Variants in BPTF observed in about 807,000 individuals in gnomAD.
BPTF encodes bromodomain PHD finger transcription factor, also known as nucleosome-remodeling factor subunit BPTF.
BPTF carries 18 observed loss-of-function variants against 292.5 expected under a neutral mutation model. The observed-to-expected ratio is 0.06, with a 90% CI of 0.04 to 0.09. The LOEUF (loss-of-function observed/expected upper bound fraction) is 0.09, where lower values mean the gene tolerates loss of function less well. BPTF is among the 10% of genes least tolerant of loss of function. The pLI is 1.00. For missense variants in BPTF, 2,726 were observed against 3,498.7 expected (o/e 0.78, Z 5.57); for synonymous variants, 1,225 against 1,251.9 (o/e 0.98, Z 0.45).
chr17:67,947,033 T>G (rs1475796133), intron 21 of BPTF, among the ~76,000 whole-genome samples: 4 of 152,156 alleles, frequency 2.6e-5, no homozygotes, highest in Non-Finnish European at 5.9e-5. Context: ...AGTTCCTAGG[T>G]CTCCCATTCA....
At chr17:67,941,196 A>G (rs1555671825) in intron 19 of BPTF, among the ~76,000 whole-genome samples, 2 of 152,246 alleles carry the variant, frequency 1.3e-5, no homozygotes, top group Admixed American at 1.3e-4. Context: ...TGCGCCTGTA[A>G]TCCCAGCACT....
In BPTF at chr17:67,964,272, G is replaced by C; in HGVS notation, c.8322G>C (p.Leu2774Phe). The C allele has an allele frequency of 6.2e-7, 1 of 1,614,098 alleles. No individual in the cohort carries two copies. Among genetic ancestry groups the C allele is most frequent in the Non-Finnish European group, 8.5e-7 (1 of 1,180,000 alleles). The part of the protein sequence containing the change: ...NWYHGRCVGI[L>F]QSEAELIDEY... ...ACCATGGGCGCTGCGTTGGCATCTTGCAAAGTGAGGCAGAGCTCATTGATG... is the reference window on the plus strand; with the variant it reads ...ACCATGGGCGCTGCGTTGGCATCTTCCAAAGTGAGGCAGAGCTCATTGATG... The change falls in exon 25 of 28, where the codon TTG (leucine) becomes TTC (phenylalanine). Residue 2774 changes from leucine to phenylalanine, a missense_variant. Leu to Phe is a conservative substitution (Grantham distance 22). This residue lies in a region of BPTF where 48 missense variants were observed against 114.2 expected (regional missense o/e 0.42). Transcript: ENST00000306378.
In BPTF at chr17:67,948,305, A is replaced by G. The variant is rs781799870; in HGVS notation, c.7925A>G (p.Gln2642Arg). The G allele has an allele frequency of 8.1e-6, 13 of 1,610,348 alleles. No homozygotes were observed. Among genetic ancestry groups the G allele is most frequent in the Non-Finnish European group, 1.1e-5 (13 of 1,178,266 alleles). The change falls in exon 23 of 28, where the codon CAG (glutamine) becomes CGG (arginine). Residue 2642 changes from glutamine (Q) to arginine (R), a missense_variant and splice_region_variant. By Grantham distance (43) the Gln-to-Arg change is conservative (BLOSUM62 1). Coordinates refer to ENST00000306378, the MANE Select transcript of BPTF (RefSeq NM_182641.4). ...GACAAGGATCTGCAAATTGAAGTGCAGGTAAGAGGGCACATCCTTTTCTTC... is the reference window on the plus strand; with the variant it reads ...GACAAGGATCTGCAAATTGAAGTGCGGGTAAGAGGGCACATCCTTTTCTTC... ...LLDKDLQIEV[Q>R]EELKRDLKIK...
chr17:67,960,748 T>C (rs181208421), intron 24 of BPTF, among the ~76,000 whole-genome samples: 1 of 152,366 alleles, frequency 6.6e-6, no homozygotes, highest in East Asian at 1.9e-4. Flanking sequence ...GCTTAATGCC[T>C]ACCTTAAGTG....
intron 10 of BPTF, 47 bp downstream of exon 10, chr17:67,909,808 C>A: frequency 2.1e-6 from 3 of 1,420,962 alleles, no homozygotes; most frequent in Admixed American, 2.6e-5. Flanking sequence ...GATAAGAATG[C>A]ACTGGATCAG....
chr17:67,886,231 C>G (rs1255941269), intron 4 of BPTF: 1 of 1,613,832 alleles, frequency 6.2e-7, no homozygotes, highest in African/African-American at 1.3e-5. Context: ...TAAATTCTTC[C>G]CAGAGTGAAT....
At chr17:67,946,460 AT>A in intron 21 of BPTF, 135 bp downstream of exon 21, 1 of 1,322,318 alleles carries the variant, frequency 7.6e-7, no homozygotes, top group Non-Finnish European at 1.0e-6. Flanking sequence ...GAAACACTGA[AT>A]TGACCAAAAA....
chr17:67,912,754 A>G lies in BPTF; in HGVS notation c.4870A>G (p.Thr1624Ala), dbSNP rs781356407. ...TTCCACAGAAAATTGTGCAAAATCCACTGTCACAACCACCACTACAACAGT... is the reference window on the plus strand; with the variant it reads ...TTCCACAGAAAATTGTGCAAAATCCGCTGTCACAACCACCACTACAACAGT... Reference protein sequence around the residue: ...VSSTENCAKSTVTTTTTTVTK... With the variant: ...VSSTENCAKSAVTTTTTTVTK... Residue 1624 changes from threonine (T) to alanine (A), a missense_variant, in exon 11 of 28, where the codon ACT (threonine) becomes GCT (alanine). Coordinates refer to ENST00000306378, the MANE Select transcript of BPTF (RefSeq NM_182641.4). 1.2e-6 allele frequency: 2 copies of G among 1,614,146 alleles called. No individual in the cohort carries two copies. Among genetic ancestry groups the G allele is most frequent in the Non-Finnish European group, 1.7e-6 (2 of 1,180,040 alleles).
chr17:67,841,513 CAT>C (rs1183752450), intron 1 of BPTF, among the ~76,000 whole-genome samples: 1 of 151,930 alleles, frequency 6.6e-6, no homozygotes, highest in Non-Finnish European at 1.5e-5. Flanking sequence ...GATAGAATGA[CAT>C]ATCTTTTTCT....
At chr17:67,843,670 T>C (rs1053009401) in intron 1 of BPTF, among the ~76,000 whole-genome samples, 18 of 150,182 alleles carry the variant, frequency 1.2e-4, no homozygotes, top group Admixed American at 1.0e-3. Context: ...TGTAGCACCT[T>C]TACTATAGAG....
At chr17:67,881,898 G>T (rs1370724665) in intron 4 of BPTF, among the ~76,000 whole-genome samples, 35 of 105,984 alleles carry the variant, frequency 3.3e-4, no homozygotes, top group Non-Finnish European at 4.3e-4. Flanking sequence ...ACAGGGTCTT[G>T]CTCTGTCACC....
At chr17:67,835,965 C>A (rs2057102293) in intron 1 of BPTF, among the ~76,000 whole-genome samples, 1 of 151,948 alleles carries the variant, frequency 6.6e-6, no homozygotes, top group Admixed American at 6.6e-5. Context: ...ATGCCTGGCC[C>A]AGTCCTGGTA....
At chr17:67,962,794 G>T (rs559668614) in intron 24 of BPTF, among the ~76,000 whole-genome samples, 1 of 152,094 alleles carries the variant, frequency 6.6e-6, no homozygotes, top group Non-Finnish European at 1.5e-5. Flanking sequence ...ATCATATTTT[G>T]ACCATTTATC....
At chr17:67,907,109 C>T (rs996667610) in intron 9 of BPTF, among the ~76,000 whole-genome samples, 4 of 149,334 alleles carry the variant, frequency 2.7e-5, no homozygotes, top group African/African-American at 7.4e-5. Flanking sequence ...CGTTTGAGCC[C>T]AGGAGTTCAA....
chr17:67,916,765 C>CAAAAAAAAA (rs768285922), intron 11 of BPTF, among the ~76,000 whole-genome samples: 1 of 56,380 alleles, frequency 1.8e-5, no homozygotes, highest in African/African-American at 5.7e-5. Context: ...TACTCTGTCT[C>CAAAAAAAAA]AAAAAAAAAA....
At chr17:67,857,883 G>A (rs1235090006) in intron 2 of BPTF, among the ~76,000 whole-genome samples, 3 of 149,380 alleles carry the variant, frequency 2.0e-5, no homozygotes, top group Non-Finnish European at 4.4e-5. Flanking sequence ...CATCTCCCAG[G>A]TTCAAGCGAT....
Position 67,893,375 on chromosome 17 carries a change from G to A in BPTF, c.2061G>A (p.Leu687=). ...CTTTTTATTTTTTTGGTCAGGTACT[G>A]GTAGTTAACTCTCAAGGAGAAATTT... ...NKLFKEGKEV[L]VVNSQGEISR... Residue 687 remains leucine (L), a synonymous_variant, in exon 6 of 28, where the codon CTG becomes CTA. Transcript: ENST00000306378. 1 of 1,611,162 alleles carries A rather than the reference G, an allele frequency of 6.2e-7. No individual in the cohort carries two copies. The highest frequency in any genetic ancestry group is 1.1e-5 in the South Asian group (1 of 90,984).
At position 67,940,559 on chromosome 17, in the gene BPTF, C is replaced by T. The variant is rs1176722125; in HGVS notation, c.6380C>T (p.Thr2127Ile). The change falls in exon 19 of 28, where the codon ACT becomes ATT. Residue 2127 changes from threonine (T) to isoleucine (I), a missense_variant. Transcript: ENST00000306378. ...GQKSLTSATS[T>I]SNIQSSASQP... ...AAAAGCTTAACTTCAGCAACGTCCA[C>T]TTCAAATATACAGTCTTCAGCCTCA... 1 of 1,614,130 alleles carries T rather than the reference C, an allele frequency of 6.2e-7. No homozygotes were observed. The highest frequency in any genetic ancestry group is 8.5e-7 in the Non-Finnish European group (1 of 1,180,030).
At chr17:67,942,329 AAAAAG>A (rs2065443626) in intron 19 of BPTF, among the ~76,000 whole-genome samples, 1 of 152,130 alleles carries the variant, frequency 6.6e-6, no homozygotes, top group African/African-American at 2.4e-5. Context: ...AAAACAAAAA[AAAAAG>A]GACAAACCAA....
Sources: allele counts gnomAD v4.1 joint callset (sites outside exome capture counted in the v4.1 genomes callset), GRCh38; gene constraint gnomAD v4.1.1; regional missense constraint gnomAD v4.1.1; transcripts MANE v1.5; gene names NCBI Gene and HGNC (gene_info 2026-07-23, HGNC 2026-07-21).